Variants in DNAJC17 observed in about 807,000 individuals in gnomAD.
The protein encoded by DNAJC17 is dnaJ homolog subfamily C member 17.
Under a neutral mutation model 48.1 loss-of-function variants are expected in DNAJC17, and 35 were observed. That is an observed-to-expected ratio of 0.73 (90% confidence interval 0.56 to 0.96). The LOEUF (loss-of-function observed/expected upper bound fraction) is 0.96, where lower values mean the gene tolerates loss of function less well. DNAJC17 is among the 50% of genes least tolerant of loss of function. The pLI is 0.00. For missense variants in DNAJC17, 355 were observed against 377.1 expected (o/e 0.94, Z 0.48); for synonymous variants, 117 against 142.7 (o/e 0.82, Z 1.28).
chr15:40,779,669 C>CAA (rs879358935), intron 2 of DNAJC17, 66 bp from the exon 3 acceptor site: 233 of 1,247,116 alleles, frequency 1.9e-4, no homozygotes, highest in Middle Eastern at 2.3e-4. Context: ...TGTGCTCCCT[C>CAA]AAAAAAAAAA....
intron 1 of DNAJC17, among the ~76,000 whole-genome samples, chr15:40,802,027 T>C (rs796146272): frequency 5.9e-5 from 9 of 152,162 alleles, no homozygotes; most frequent in African/African-American, 2.2e-4. Flanking sequence ...GACCCGGTGA[T>C]GTTCTAGATG....
At chr15:40,805,695 T>C (rs1890192793) in intron 1 of DNAJC17, among the ~76,000 whole-genome samples, 1 of 149,880 alleles carries the variant, frequency 6.7e-6, no homozygotes, top group African/African-American at 2.5e-5. Flanking sequence ...CCGGGCATGG[T>C]GGCAGGCGCC....
chr15:40,777,735 A>G (rs1889372359), intron 4 of DNAJC17, among the ~76,000 whole-genome samples: 1 of 151,796 alleles, frequency 6.6e-6, no homozygotes. Context: ...AAAAAAAAAG[A>G]GTGCTTGGAC....
At chr15:40,778,033 A>ACTT (rs1889378898) in intron 4 of DNAJC17, among the ~76,000 whole-genome samples, 1 of 151,992 alleles carries the variant, frequency 6.6e-6, no homozygotes, top group African/African-American at 2.4e-5. Flanking sequence ...GTTAGAACAA[A>ACTT]TTAAAAGACC....
At chr15:40,804,811 G>A (rs1339969429) in intron 1 of DNAJC17, among the ~76,000 whole-genome samples, 5 of 151,638 alleles carry the variant, frequency 3.3e-5, no homozygotes, top group Non-Finnish European at 7.4e-5. Context: ...AGACCAGCCT[G>A]ACCAACATGG....
rs1889102786 is a variant in DNAJC17 at position 40,770,586 on chromosome 15, A to C, written c.793-2524T>G. 6.4e-7 allele frequency: 1 copy of C among 1,550,662 alleles called. No individual in the cohort carries two copies. The highest frequency in any genetic ancestry group is 1.4e-5 in the African/African-American group (1 of 73,168). ...GCCACGGCGGCTCCGGCGACAGAGT[A>C]GTGTGCTTAGCCAGGCCAGCACAGC... On this transcript the variant is annotated intron_variant, in intron 10 of 10. Coordinates refer to ENST00000220496, the MANE Select transcript of DNAJC17 (RefSeq NM_018163.3). This position sits in a 1 kb window ranked among gnomAD's most constrained non-coding sequence, Gnocchi z 5.0.
At chr15:40,777,461 G>A (rs1024152680) in intron 4 of DNAJC17, among the ~76,000 whole-genome samples, 2 of 152,114 alleles carry the variant, frequency 1.3e-5, no homozygotes, top group South Asian at 2.1e-4. Context: ...GCTCACGCCT[G>A]TAATCCCAGC....
Position 40,767,839 on chromosome 15 carries a change from C to T in DNAJC17, c.*101G>A, listed in dbSNP as rs111540567. 4.6e-5 allele frequency: 70 copies of T among 1,526,658 alleles called. No individual in the cohort carries two copies. Among genetic ancestry groups the T allele is most frequent in the Admixed American group, 6.0e-5 (3 of 49,608 alleles). The allele number at this position is 1,526,658 out of a possible 1,614,324, so 94.6% of individuals were successfully genotyped here. A position where few individuals can be genotyped will look rare whatever the true frequency, so the allele number is the denominator to read the frequency against. ...AGCGCTCTGCGGCAGAGCCCAGCAC[C>T]TTATACCTATGTATGGGATAGAGGT... On this transcript the variant is annotated 3_prime_UTR_variant, in exon 11 of 11. Transcript: ENST00000220496.
intron 1 of DNAJC17, among the ~76,000 whole-genome samples, chr15:40,800,604 G>C (rs928344232): frequency 2.7e-5 from 4 of 149,868 alleles, no homozygotes; most frequent in Non-Finnish European, 3.0e-5. Flanking sequence ...TTTTTTAACC[G>C]AGTTGTTTTT....
At chr15:40,791,147 G>C (rs1889789856) in intron 1 of DNAJC17, among the ~76,000 whole-genome samples, 1 of 152,098 alleles carries the variant, frequency 6.6e-6, no homozygotes, top group Non-Finnish European at 1.5e-5. Flanking sequence ...AGATCAGCCT[G>C]GACAATGTAG....
rs766186370 is a variant in DNAJC17, at chr15:40,770,673, G to C, written c.793-2611C>G. ...CATCCGGGAGCTACAAGGGAGGCCA[G>C]ATGGCCGGCGCCTGCCACTGTGGGG... On this transcript the variant is annotated intron_variant, in intron 10 of 10. Transcript: ENST00000220496. The surrounding 1 kb of genome is among the most constrained non-coding windows in gnomAD (Gnocchi z 5.0). 77 of 1,548,616 alleles carry C rather than the reference G, an allele frequency of 5.0e-5. No homozygotes were observed. Among genetic ancestry groups the C allele is most frequent in the Non-Finnish European group, 6.0e-5 (69 of 1,146,956 alleles).
intron 1 of DNAJC17, among the ~76,000 whole-genome samples, chr15:40,798,435 C>T (rs1290078632): frequency 6.6e-6 from 1 of 152,116 alleles, no homozygotes; most frequent in Admixed American, 6.6e-5. Flanking sequence ...GTGATGGCTG[C>T]ACAACAATGT....
intron 10 of DNAJC17, chr15:40,771,237 GAGGCAAT>G: frequency 1.7e-6 from 1 of 589,002 alleles, no homozygotes; most frequent in Non-Finnish European, 3.1e-6. Context: ...TGGAGGGACA[GAGGCAAT>G]CTGGAAATGT....
chr15:40,798,461 C>T (rs1329093336), intron 1 of DNAJC17, among the ~76,000 whole-genome samples: 1 of 152,076 alleles, frequency 6.6e-6, no homozygotes, highest in Admixed American at 6.6e-5. Flanking sequence ...TACTTAATGC[C>T]AGTGAATCCT....
chr15:40,771,551 G>A, intron 10 of DNAJC17: 1 of 175,648 alleles, frequency 5.7e-6, no homozygotes, highest in Non-Finnish European at 1.4e-5. Flanking sequence ...GGCCCAGGAA[G>A]AAAGGGGAGA....
chr15:40,778,756 G>GA (rs1889397250), intron 4 of DNAJC17, among the ~76,000 whole-genome samples: 1 of 152,152 alleles, frequency 6.6e-6, no homozygotes, highest in South Asian at 2.1e-4. Flanking sequence ...CCAACATGGT[G>GA]AAACTCCATC....
Position 40,776,385 on chromosome 15 carries a change from A to C in DNAJC17, c.382-93T>G, listed in dbSNP as rs753907400. ...AAGTCCTTGGGAGCTTCCACCTGCA[A>C]GCTAGGGCTCAGCAACCTGTGGGTG... On this transcript the variant is annotated intron_variant, in intron 5 of 10. Coordinates refer to ENST00000220496, the MANE Select transcript of DNAJC17 (RefSeq NM_018163.3). The C allele has an allele frequency of 4.0e-6, 6 of 1,485,200 alleles. No individual in the cohort carries two copies. The African/African-American group carries it at 7.0e-5, about 17-fold the overall frequency. The allele number at this position is 1,485,200 out of a possible 1,614,324, so 92.0% of individuals were successfully genotyped here.
intron 1 of DNAJC17, among the ~76,000 whole-genome samples, chr15:40,788,346 TGAAGCCAGGAGTTCAA>T (rs1889696937): frequency 6.6e-6 from 1 of 151,986 alleles, no homozygotes; most frequent in Non-Finnish European, 1.5e-5. Context: ...GAGGATCGCC[TGAAGCCAGGAGTTCAA>T]GATCAGCATG....
intron 10 of DNAJC17, chr15:40,772,166 G>A (rs981054172): frequency 6.6e-5 from 11 of 166,930 alleles, no homozygotes; most frequent in Admixed American, 1.3e-4. Flanking sequence ...TGAACCCTCC[G>A]ACGATGGGCC....
Sources: allele counts gnomAD v4.1 joint callset (sites outside exome capture counted in the v4.1 genomes callset), GRCh38; gene constraint gnomAD v4.1.1; non-coding constraint Gnocchi (gnomAD v3.1); transcripts MANE v1.5; gene names NCBI Gene and HGNC (gene_info 2026-07-23, HGNC 2026-07-21).